Variants in CREB3L1 observed in about 807,000 individuals in gnomAD.
CREB3L1 encodes the protein cAMP responsive element binding protein 3 like 1.
A neutral mutation model predicts 54.5 loss-of-function variants in CREB3L1; 33 were observed. The observed-to-expected ratio is 0.61, with a 90% CI of 0.46 to 0.81. CREB3L1 has a LOEUF of 0.81. CREB3L1 is among the 30% of genes least tolerant of loss of function. The pLI is 0.00. For missense variants in CREB3L1, 656 were observed against 673.3 expected, an observed-to-expected ratio of 0.97 and a Z score of 0.29; for synonymous variants, 284 against 286.4, an observed-to-expected ratio of 0.99 and a Z score of 0.08.
intron 2 of CREB3L1, among the ~76,000 whole-genome samples, chr11:46,303,834 C>T (rs902930562): frequency 6.6e-5 from 10 of 151,874 alleles, no homozygotes; most frequent in African/African-American, 2.4e-4. Context: ...AACACCTTCT[C>T]CACAAAATTA....
At chr11:46,294,366 T>C (rs1026711179) in intron 1 of CREB3L1, among the ~76,000 whole-genome samples, 4 of 152,026 alleles carry the variant, frequency 2.6e-5, no homozygotes, top group African/African-American at 9.7e-5. Flanking sequence ...TTTCACACCA[T>C]CCAGTCCCCA....
Position 46,286,935 on chromosome 11 carries a change from A to C in CREB3L1, c.102+8722A>C, listed in dbSNP as rs138822346. Among the ~76,000 whole-genome samples, 16 of 152,264 alleles carry C rather than the reference A, an allele frequency of 1.1e-4. No individual in the cohort carries two copies. In the East Asian group the frequency reaches 1.9e-3, roughly 18 times the overall value. ...GAGCTGTAGACCCTGAATCCACCCC[A>C]CTCTGGGGAGATTTTAAACAGGAAA... On this transcript the variant is annotated intron_variant, in intron 1 of 11. Transcript: ENST00000621158.
At chr11:46,303,402 T>C (rs1264423998) in intron 2 of CREB3L1, among the ~76,000 whole-genome samples, 2 of 152,116 alleles carry the variant, frequency 1.3e-5, no homozygotes, top group African/African-American at 2.4e-5. Flanking sequence ...CCCAGCACTT[T>C]GGGAAGCCGA....
At chr11:46,312,285 G>T in intron 5 of CREB3L1, 40 bp from the exon 6 acceptor site, 1 of 1,533,940 alleles carries the variant, frequency 6.5e-7, no homozygotes, top group Non-Finnish European at 8.8e-7. Flanking sequence ...TTGAACCCAG[G>T]GCTGCCTGGC....
At chr11:46,307,764 G>A in intron 2 of CREB3L1, 52 bp from the exon 3 acceptor site, 1 of 1,433,190 alleles carries the variant, frequency 7.0e-7, no homozygotes, top group Non-Finnish European at 9.3e-7. Context: ...GGGGCAGGCA[G>A]GGGGCTGAGA....
chr11:46,301,734 G>A (rs1290291508), intron 2 of CREB3L1, among the ~76,000 whole-genome samples: 4 of 151,922 alleles, frequency 2.6e-5, no homozygotes, highest in Admixed American at 6.6e-5. Flanking sequence ...TGAGGTGGGC[G>A]GATCATTTGA....
At position 46,278,298 on chromosome 11, in the gene CREB3L1, A is replaced by G. The variant is rs1302054700; in HGVS notation, c.102+85A>G. The G allele has an allele frequency of 1.3e-6, 1 of 794,140 alleles. No homozygotes were observed. Among genetic ancestry groups the G allele is most frequent in the Non-Finnish European group, 2.0e-6 (1 of 497,230 alleles). The allele number at this position is 794,140 out of a possible 1,614,324, so 49.2% of individuals were successfully genotyped here. On this transcript the variant is annotated intron_variant, in intron 1 of 11. Coordinates refer to ENST00000621158, the MANE Select transcript of CREB3L1 (RefSeq NM_052854.4). The surrounding 1 kb of genome is among the most constrained non-coding windows in gnomAD (Gnocchi z 4.2). ...TGGGCCCCTAGAAGGACCCGACTACACATCACTGGGCAGGAGCCGGGGAGA... is the reference window on the plus strand; with the variant it reads ...TGGGCCCCTAGAAGGACCCGACTACGCATCACTGGGCAGGAGCCGGGGAGA...
intron 9 of CREB3L1, 148 bp from the exon 10 acceptor site, chr11:46,317,213 T>C: frequency 1.0e-6 from 1 of 971,290 alleles, no homozygotes; most frequent in Non-Finnish European, 1.5e-6. Flanking sequence ...ACCCCACATG[T>C]AGGAGGGAGT....
At chr11:46,314,663 C>T (rs1030567404) in intron 8 of CREB3L1, among the ~76,000 whole-genome samples, 37 of 152,024 alleles carry the variant, frequency 2.4e-4, no homozygotes, top group African/African-American at 8.9e-4. Flanking sequence ...GTGTGATCCA[C>T]TGCACCTGGC....
rs766160168 is a variant in CREB3L1, at chr11:46,317,369, C to G, written c.1140C>G (p.Ala380=). Residue 380 remains alanine, a synonymous_variant, in exon 10 of 12, where the codon GCC becomes GCG. Transcript: ENST00000621158. ...TCTCTCTTTGCTACCAGGTGGCAGCCTTGTGCTTTGTTCTGGTGCTGGGCT... is the reference window on the plus strand; with the variant it reads ...TCTCTCTTTGCTACCAGGTGGCAGCGTTGTGCTTTGTTCTGGTGCTGGGCT... ...TQTGTCLMVA[A]LCFVLVLGSL... 8.1e-6 allele frequency: 13 copies of G among 1,613,820 alleles called. No individual in the cohort carries two copies. Among genetic ancestry groups the G allele is most frequent in the Admixed American group, 1.7e-5 (1 of 59,998 alleles).
At chr11:46,281,041 G>T (rs766428509) in intron 1 of CREB3L1, among the ~76,000 whole-genome samples, 1 of 152,206 alleles carries the variant, frequency 6.6e-6, no homozygotes, top group Non-Finnish European at 1.5e-5. Flanking sequence ...AGGAGAGTGA[G>T]TACACAAAGT....
At chr11:46,299,381 G>T (rs1397885461) in intron 1 of CREB3L1, among the ~76,000 whole-genome samples, 1 of 152,178 alleles carries the variant, frequency 6.6e-6, no homozygotes, top group Non-Finnish European at 1.5e-5. Flanking sequence ...ACACTGTGCT[G>T]CTGAGGAGAC....
In CREB3L1 at chr11:46,311,169, C is replaced by T. The variant is rs1452032602; in HGVS notation, c.733C>T (p.Pro245Ser). 6.3e-7 allele frequency: 1 copy of T among 1,594,794 alleles called. No homozygotes were observed. Among genetic ancestry groups the T allele is most frequent in the South Asian group, 1.1e-5 (1 of 89,846 alleles). Residue 245 changes from proline to serine, a missense_variant, in exon 5 of 12, where the codon CCA becomes TCA. Physicochemically the swap from Pro to Ser is moderately conservative, Grantham distance 74. This residue lies in a region of CREB3L1 where 339 missense variants were observed against 331.5 expected (regional missense o/e 1.02). Coordinates refer to ENST00000621158, the MANE Select transcript of CREB3L1 (RefSeq NM_052854.4). ...ARSSTAISTS[P>S]LLTAPHKLQG... ...CTCCTCCACGGCCATCTCCACCTCC[C>T]CACTCCTCACTGCCCCTCACGTAAG...
In CREB3L1 at chr11:46,295,782, G is replaced by T. The variant is rs962097809; in HGVS notation, c.103-4153G>T. 6.6e-6 allele frequency among the ~76,000 whole-genome samples: 1 copy of T among 152,200 alleles called. No homozygotes were observed. The highest frequency in any genetic ancestry group is 1.5e-5 in the Non-Finnish European group (1 of 68,042). Reference sequence around the variant, plus strand: ...GGCCGCTCCAGGACGGCGGCACCCGGATCCTTCTCTAAAATTTAAAGGGCG... The same window carrying T: ...GGCCGCTCCAGGACGGCGGCACCCGTATCCTTCTCTAAAATTTAAAGGGCG... On this transcript the variant is annotated intron_variant, in intron 1 of 11. Coordinates refer to ENST00000621158, the MANE Select transcript of CREB3L1 (RefSeq NM_052854.4). The surrounding 1 kb of genome is among the most constrained non-coding windows in gnomAD (Gnocchi z 4.6).
At chr11:46,307,264 A>AT (rs887521946) in intron 2 of CREB3L1, among the ~76,000 whole-genome samples, 4 of 151,440 alleles carry the variant, frequency 2.6e-5, no homozygotes, top group African/African-American at 9.7e-5. Flanking sequence ...GTGTGTGTGT[A>AT]TTTTTTGTAG....
Position 46,311,107 on chromosome 11 carries a change from C to A in CREB3L1, c.671C>A (p.Ser224Tyr). The A allele has an allele frequency of 6.2e-7, 1 of 1,608,388 alleles. No homozygotes were observed. Among genetic ancestry groups the A allele is most frequent in the Non-Finnish European group, 8.5e-7 (1 of 1,179,220 alleles). ...SDSDGSQSPRSLPPSSPVRPM... is the reference protein window; with the variant it reads ...SDSDGSQSPRYLPPSSPVRPM... ...AGCGACGGCTCCCAGAGTCCCCGCTCTCTGCCCCCCTCCAGCCCTGTCAGG... is the reference window on the plus strand; with the variant it reads ...AGCGACGGCTCCCAGAGTCCCCGCTATCTGCCCCCCTCCAGCCCTGTCAGG... Residue 224 changes from serine to tyrosine, a missense_variant, in exon 5 of 12, where the codon TCT becomes TAT. This residue lies in a region of CREB3L1 where 339 missense variants were observed against 331.5 expected (regional missense o/e 1.02). Transcript: ENST00000621158.
rs60813863 is a variant in CREB3L1 at position 46,317,426 on chromosome 11, C to T, written c.1197C>T (p.Ser399=). The change falls in exon 10 of 12, where the codon TCC becomes TCT. Residue 399 remains serine (S), a synonymous_variant. Coordinates refer to ENST00000621158, the MANE Select transcript of CREB3L1 (RefSeq NM_052854.4). ...SLVPCLPEFS[S]GSQTVKEDPL... Reference sequence around the variant, plus strand: ...TGCCCTGCCTTCCCGAGTTCTCCTCCGGCTCCCAGACTGTGAAGGAAGACC... The same window carrying T: ...TGCCCTGCCTTCCCGAGTTCTCCTCTGGCTCCCAGACTGTGAAGGAAGACC... The T allele has an allele frequency of 6.8e-3, 10,961 of 1,613,632 alleles. 648 individuals are homozygous for T. In the African/African-American group the frequency reaches 0.13, roughly 19 times the overall value.
chr11:46,280,703 T>C (rs1938957149), intron 1 of CREB3L1, among the ~76,000 whole-genome samples: 4 of 152,142 alleles, frequency 2.6e-5, no homozygotes, highest in Admixed American at 1.3e-4. Context: ...TGTGTGAACA[T>C]AGCAAGTCAC....
At chr11:46,305,171 A>C (rs1479630743) in intron 2 of CREB3L1, among the ~76,000 whole-genome samples, 1 of 152,054 alleles carries the variant, frequency 6.6e-6, no homozygotes, top group Non-Finnish European at 1.5e-5. Context: ...GCTACCAGGC[A>C]GTGTGGCCAC....
Sources: allele counts gnomAD v4.1 joint callset (sites outside exome capture counted in the v4.1 genomes callset), GRCh38; gene constraint gnomAD v4.1.1; regional missense constraint gnomAD v4.1.1; non-coding constraint Gnocchi (gnomAD v3.1); transcripts MANE v1.5; gene names NCBI Gene and HGNC (gene_info 2026-07-23, HGNC 2026-07-21).